Variants in VPS13B observed in about 807,000 individuals in gnomAD.
The protein encoded by VPS13B is vacuolar protein sorting 13 homolog B.
VPS13B carries 285 observed loss-of-function variants against 426.4 expected under a neutral mutation model. The observed-to-expected ratio is 0.67, with a 90% confidence interval of 0.61 to 0.74. VPS13B has a LOEUF of 0.74. Ranked by LOEUF, VPS13B falls within the 30% of genes least tolerant of loss-of-function variation. The pLI, the probability that VPS13B is intolerant of heterozygous loss-of-function variation, is 0.00. For synonymous variants in VPS13B, 1,676 were observed against 1,676.4 expected (o/e 1.00, Z 0.01); for missense variants, 4,537 against 4,782.6 (o/e 0.95, Z 1.51).
At chr8:99,519,938 C>T (rs774292001) in intron 29 of VPS13B, among the ~76,000 whole-genome samples, 1 of 152,146 alleles carries the variant, frequency 6.6e-6, no homozygotes, top group South Asian at 2.1e-4. Context: ...TACCCTAGAA[C>T]TTAAAGTATA....
chr8:99,201,993 T>G (rs748620895), intron 17 of VPS13B, among the ~76,000 whole-genome samples: 3 of 152,238 alleles, frequency 2.0e-5, no homozygotes, highest in Non-Finnish European at 2.9e-5. Context: ...ATGCCAAATA[T>G]ATTATTGTTT....
At chr8:99,553,945 G>A (rs2133758624) in intron 30 of VPS13B, among the ~76,000 whole-genome samples, 1 of 152,010 alleles carries the variant, frequency 6.6e-6, no homozygotes, top group Non-Finnish European at 1.5e-5. Context: ...CACTCAAAAT[G>A]GAAAGTATTT....
At chr8:99,827,861 A>G (rs1391616708) in intron 51 of VPS13B, among the ~76,000 whole-genome samples, 1 of 152,194 alleles carries the variant, frequency 6.6e-6, no homozygotes, top group Non-Finnish European at 1.5e-5. Flanking sequence ...ATTCAGGAGC[A>G]GGTTGTTCCA....
At chr8:99,745,981 G>A (rs1237365871) in intron 39 of VPS13B, among the ~76,000 whole-genome samples, 1 of 151,868 alleles carries the variant, frequency 6.6e-6, no homozygotes, top group East Asian at 1.9e-4. Context: ...TCCCGCTGAG[G>A]TCCACACATT....
At chr8:99,037,103 T>C (rs1842778412) in intron 2 of VPS13B, among the ~76,000 whole-genome samples, 2 of 152,164 alleles carry the variant, frequency 1.3e-5, no homozygotes, top group South Asian at 4.1e-4. Context: ...ACTCAGTGCT[T>C]ATTGCTTTTG....
intron 20 of VPS13B, among the ~76,000 whole-genome samples, chr8:99,385,613 C>G (rs17323132): frequency 0.053 from 8,017 of 152,186 alleles, 335 homozygotes; most frequent in South Asian, 0.13. Flanking sequence ...GTGAGAATAT[C>G]CCTCCCTCTG....
intron 17 of VPS13B, among the ~76,000 whole-genome samples, chr8:99,203,740 G>A (rs1814500850): frequency 6.6e-6 from 1 of 152,252 alleles, no homozygotes; most frequent in East Asian, 1.9e-4. Flanking sequence ...GCCAAATCAT[G>A]AGCAAACTCC....
In VPS13B at chr8:99,136,740, A is replaced by G. The variant is rs142971568; in HGVS notation, c.1639A>G (p.Thr547Ala). ...YMDYLYTMEN[T>A]SGKGSTNQQD... ...GGATTACCTGTATACAATGGAGAACACTAGTGGCAAAGGTATTGGCTTCTT... is the reference window on the plus strand; with the variant it reads ...GGATTACCTGTATACAATGGAGAACGCTAGTGGCAAAGGTATTGGCTTCTT... Residue 547 changes from threonine (T) to alanine (A), a missense_variant, in exon 12 of 62, where the codon ACT (threonine) becomes GCT (alanine). Physicochemically the swap from Thr to Ala is moderately conservative, Grantham distance 58. Coordinates refer to ENST00000357162, the MANE Select transcript of VPS13B (RefSeq NM_152564.5). 346 of 1,613,576 alleles carry G rather than the reference A, an allele frequency of 2.1e-4. No homozygotes were observed. The highest frequency in any genetic ancestry group is 9.9e-4 in the Middle Eastern group (6 of 6,058).
chr8:99,842,450 AT>A (rs370677788), intron 54 of VPS13B, among the ~76,000 whole-genome samples: 1 of 148,208 alleles, frequency 6.7e-6, no homozygotes, highest in Admixed American at 6.7e-5. Context: ...CTCTACAGAA[AT>A]TAAAAAAAAA....
chr8:99,070,010 T>TC (rs1262401781), intron 3 of VPS13B, among the ~76,000 whole-genome samples: 1 of 152,110 alleles, frequency 6.6e-6, no homozygotes, highest in African/African-American at 2.4e-5. Context: ...CTCAAGTGAT[T>TC]CCCCCCGCCA....
Position 99,498,900 on chromosome 8 carries a change from G to T in VPS13B, c.3871-2787G>T, listed in dbSNP as rs142875705. On this transcript the variant is annotated intron_variant, in intron 25 of 61. Transcript: ENST00000357162. The stretch of plus-strand genomic sequence containing the variant: ...TACTGTTGACTTAAGTACAAACAGT[G>T]GTCGAAGTGTTTAGCCCTTTGGGAA... 1.8e-4 allele frequency among the ~76,000 whole-genome samples: 28 copies of T among 152,214 alleles called. No homozygotes were observed. In the East Asian group the frequency reaches 5.2e-3, roughly 28 times the overall value.
chr8:99,418,749 G>A (rs3105189), intron 21 of VPS13B, among the ~76,000 whole-genome samples: 2 of 151,760 alleles, frequency 1.3e-5, no homozygotes, highest in Non-Finnish European at 2.9e-5. Context: ...TGAAATTTTC[G>A]GAATAAAGGA....
intron 35 of VPS13B, among the ~76,000 whole-genome samples, chr8:99,663,121 C>T (rs566864227): frequency 1.3e-4 from 20 of 152,136 alleles, no homozygotes; most frequent in East Asian, 1.9e-4. Context: ...AGCAATACCC[C>T]GCAAGGCATG....
intron 23 of VPS13B, among the ~76,000 whole-genome samples, chr8:99,451,284 C>T (rs544614138): frequency 7.9e-5 from 12 of 152,160 alleles, no homozygotes; most frequent in Non-Finnish European, 1.5e-4. Context: ...CCACTCAATC[C>T]TCCAGCCTTT....
intron 39 of VPS13B, among the ~76,000 whole-genome samples, chr8:99,725,186 A>C (rs965061568): frequency 6.6e-6 from 1 of 152,098 alleles, no homozygotes; most frequent in African/African-American, 2.4e-5. Flanking sequence ...TATTCCTCAC[A>C]CTTGAACTTA....
intron 17 of VPS13B, among the ~76,000 whole-genome samples, chr8:99,256,435 A>G (rs1817745158): frequency 6.6e-6 from 1 of 152,206 alleles, no homozygotes; most frequent in Admixed American, 6.5e-5. Context: ...GCTGGATCAT[A>G]TGGTAGTTCT....
rs774755807 is a variant in VPS13B, at chr8:99,821,988, A to G, written c.9183+506A>G. On this transcript the variant is annotated intron_variant, in intron 50 of 61. Coordinates refer to ENST00000357162, the MANE Select transcript of VPS13B (RefSeq NM_152564.5). ...ATTCTTGAACAGTGGACTGGTGTCT[A>G]TGTTTTTGGAGATGCATACAAAAAA... Among the ~76,000 whole-genome samples, 43 of 152,220 alleles carry G rather than the reference A, an allele frequency of 2.8e-4. 1 individual carries two copies. Among genetic ancestry groups the G allele is most frequent in the Non-Finnish European group, 5.9e-5 (4 of 68,028 alleles).
intron 29 of VPS13B, among the ~76,000 whole-genome samples, chr8:99,519,516 G>A (rs1286209250): frequency 1.3e-5 from 2 of 151,974 alleles, no homozygotes; most frequent in African/African-American, 4.8e-5. Context: ...TGTTTGTTGC[G>A]GCACTATTCA....
intron 19 of VPS13B, among the ~76,000 whole-genome samples, chr8:99,310,839 A>C (rs936436492): frequency 6.6e-6 from 1 of 152,154 alleles, no homozygotes; most frequent in Non-Finnish European, 1.5e-5. Flanking sequence ...TTATTGCCTC[A>C]ATTTCAGAAC....
Sources: allele counts gnomAD v4.1 joint callset (sites outside exome capture counted in the v4.1 genomes callset), GRCh38; gene constraint gnomAD v4.1.1; transcripts MANE v1.5; gene names NCBI Gene and HGNC (gene_info 2026-07-23, HGNC 2026-07-21).